Variants in XRN1 observed in about 807,000 individuals in gnomAD.
The protein encoded by XRN1 is 5'-3' exoribonuclease 1.
Under a neutral mutation model 222.3 loss-of-function variants are expected in XRN1, and 67 were observed. That is an observed-to-expected ratio of 0.30 (90% confidence interval 0.25 to 0.37). XRN1 has a LOEUF of 0.37. XRN1 is among the 10% of genes least tolerant of loss of function. The pLI is 1.00. For missense variants in XRN1, 1,707 were observed against 2,000.2 expected, an observed-to-expected ratio of 0.85 and a Z score of 2.80; for synonymous variants, 643 against 652.4, an observed-to-expected ratio of 0.99 and a Z score of 0.22.
chr3:142,399,037 G>A (rs1380426100), intron 19 of XRN1, among the ~76,000 whole-genome samples: 1 of 151,796 alleles, frequency 6.6e-6, no homozygotes, highest in East Asian at 1.9e-4. Context: ...AAACAATGAT[G>A]AGAGAAATCA....
At chr3:142,446,676 G>A (rs1477861978) in intron 1 of XRN1, among the ~76,000 whole-genome samples, 1 of 152,178 alleles carries the variant, frequency 6.6e-6, no homozygotes, top group Non-Finnish European at 1.5e-5. Flanking sequence ...TGCAAGAAAA[G>A]CCAAAGTTGG....
intron 33 of XRN1, among the ~76,000 whole-genome samples, chr3:142,339,905 A>C (rs1210288079): frequency 6.6e-6 from 1 of 152,254 alleles, no homozygotes; most frequent in Non-Finnish European, 1.5e-5. Context: ...GAATTCTATC[A>C]GATACATTTC....
chr3:142,382,451 A>G (rs2067337513), intron 22 of XRN1, among the ~76,000 whole-genome samples: 1 of 152,170 alleles, frequency 6.6e-6, no homozygotes, highest in African/African-American at 2.4e-5. Context: ...TTAACTACTG[A>G]ATTTAATTAT....
chr3:142,432,233 A>ATTT (rs1559880815), intron 2 of XRN1, among the ~76,000 whole-genome samples: 94 of 105,618 alleles, frequency 8.9e-4, no homozygotes, highest in African/African-American at 2.9e-3. Context: ...AATTAATTAT[A>ATTT]TATATATAAA....
intron 1 of XRN1, chr3:142,434,867 T>TA (rs1021935205): frequency 6.6e-6 from 1 of 152,148 alleles, no homozygotes; most frequent in African/African-American, 2.4e-5. Context: ...AACTCCATCT[T>TA]ACGCTAAAAC....
In XRN1 at chr3:142,318,920, T is replaced by C. The variant is rs758700112; in HGVS notation, c.4405-17A>G. The C allele has an allele frequency of 1.3e-6, 2 of 1,596,930 alleles. No homozygotes were observed. The highest frequency in any genetic ancestry group is 1.7e-6 in the Non-Finnish European group (2 of 1,166,566). On this transcript the variant is annotated splice_polypyrimidine_tract_variant and intron_variant, in intron 37 of 40. Transcript: ENST00000392981. ...GGTCATTGTCTAAAAAAAGAGAATATATATGTCTATGAAATTCTCTGTCTA... is the reference window on the plus strand; with the variant it reads ...GGTCATTGTCTAAAAAAAGAGAATACATATGTCTATGAAATTCTCTGTCTA...
intron 1 of XRN1, among the ~76,000 whole-genome samples, chr3:142,439,488 C>T (rs1392832797): frequency 6.6e-6 from 1 of 152,152 alleles, no homozygotes; most frequent in Non-Finnish European, 1.5e-5. Context: ...TCCACTGTAA[C>T]ACAGGGAAAG....
chr3:142,352,020 T>C (rs1267772997), intron 32 of XRN1, among the ~76,000 whole-genome samples: 1 of 152,138 alleles, frequency 6.6e-6, no homozygotes, highest in Admixed American at 6.6e-5. Context: ...GTCAAAAATT[T>C]TTGCTTTCTA....
chr3:142,349,171 C>T (rs1318664149), intron 32 of XRN1, among the ~76,000 whole-genome samples: 1 of 150,274 alleles, frequency 6.7e-6, no homozygotes, highest in Non-Finnish European at 1.5e-5. Context: ...CCAGGTTGGT[C>T]TCGAACTCCT....
rs2064983053 is a variant in XRN1 at position 142,307,106 on chromosome 3, ATACT to A, written c.*4401_*4404del. On this transcript the variant is annotated 3_prime_UTR_variant, in exon 41 of 41. Coordinates refer to ENST00000392981, the MANE Select transcript of XRN1 (RefSeq NM_001282857.2). ...TTGGATACAGGCAAAAGAAAATATG[ATACT>A]TAAAGCCAAAAGACAAAAAAATCCA... 6.6e-6 allele frequency: 1 copy of A among 152,408 alleles called. No homozygotes were observed. 9.4% of individuals were successfully genotyped at this position (152,408 alleles called of 1,614,324 possible).
intron 30 of XRN1, among the ~76,000 whole-genome samples, chr3:142,359,311 C>A (rs1364296243): frequency 6.6e-6 from 1 of 152,160 alleles, no homozygotes. Context: ...CATTACTACA[C>A]CTGCCATTCA....
chr3:142,383,453 T>C lies in XRN1; in HGVS notation c.2503-40A>G, dbSNP rs761264729. 2.6e-6 allele frequency: 4 copies of C among 1,530,058 alleles called. No individual in the cohort carries two copies. In the Admixed American group the frequency reaches 7.3e-5, roughly 28 times the overall value. The allele number at this position is 1,530,058 out of a possible 1,614,324, so 94.8% of individuals were successfully genotyped here. ...AGTAAATAATCTTAGTCATAATTTCTATAGATTGCGTATCAAGTTTTTTTC... is the reference window on the plus strand; with the variant it reads ...AGTAAATAATCTTAGTCATAATTTCCATAGATTGCGTATCAAGTTTTTTTC... On this transcript the variant is annotated intron_variant, in intron 21 of 40. Coordinates refer to ENST00000392981, the MANE Select transcript of XRN1 (RefSeq NM_001282857.2).
At chr3:142,412,287 T>G (rs536971517) in intron 15 of XRN1, among the ~76,000 whole-genome samples, 4 of 152,346 alleles carry the variant, frequency 2.6e-5, no homozygotes, top group African/African-American at 9.6e-5. Context: ...ACTGACTCTT[T>G]TATCTGTATA....
intron 5 of XRN1, among the ~76,000 whole-genome samples, chr3:142,424,717 C>T (rs899545582): frequency 9.2e-5 from 14 of 151,442 alleles, no homozygotes; most frequent in East Asian, 3.9e-4. Flanking sequence ...AATAATCGGG[C>T]GGGGAGTGGG....
chr3:142,386,592 T>A (rs1170069900), intron 20 of XRN1, among the ~76,000 whole-genome samples: 1 of 152,040 alleles, frequency 6.6e-6, no homozygotes, highest in Non-Finnish European at 1.5e-5. Flanking sequence ...AGTTTTCCCC[T>A]GAAATTGAGA....
intron 30 of XRN1, among the ~76,000 whole-genome samples, chr3:142,358,199 G>A (rs993603684): frequency 8.6e-5 from 13 of 152,026 alleles, no homozygotes; most frequent in African/African-American, 2.2e-4. Flanking sequence ...TTTGTCTATC[G>A]GTCAAATGTG....
intron 32 of XRN1, among the ~76,000 whole-genome samples, chr3:142,353,665 C>T (rs982767569): frequency 6.6e-6 from 1 of 152,058 alleles, no homozygotes; most frequent in Non-Finnish European, 1.5e-5. Flanking sequence ...TCAGCATATA[C>T]AAAAATTAAC....
At chr3:142,428,099 G>T (rs865831828) in intron 2 of XRN1, among the ~76,000 whole-genome samples, 35 of 152,144 alleles carry the variant, frequency 2.3e-4, no homozygotes, top group African/African-American at 7.2e-4. Context: ...TAACAAAAGA[G>T]AAATTATTCT....
At chr3:142,405,115 A>C (rs769190751) in intron 15 of XRN1, 39 bp from the exon 16 acceptor site, 1 of 1,577,310 alleles carries the variant, frequency 6.3e-7, no homozygotes, top group South Asian at 1.1e-5. Flanking sequence ...ACAAGCATAA[A>C]AATTCCATAA....
Sources: allele counts gnomAD v4.1 joint callset (sites outside exome capture counted in the v4.1 genomes callset), GRCh38; gene constraint gnomAD v4.1.1; transcripts MANE v1.5; gene names NCBI Gene and HGNC (gene_info 2026-07-23, HGNC 2026-07-21).